SI: variants seen among roughly 807,000 people sequenced by gnomAD.
SI encodes sucrase-isomaltase.
In SI, 235 loss-of-function variants were observed where a neutral mutation model predicts 253.3. The ratio of observed to expected loss-of-function variants is 0.93; its 90% CI spans 0.83 to 1.03. SI has a LOEUF of 1.03. Ranked by LOEUF, SI falls within the 50% of genes least tolerant of loss-of-function variation. The probability of loss-of-function intolerance (pLI) is 0.00; values close to 1 mark genes in which losing one functional copy is unlikely to be tolerated. For synonymous variants in SI, 819 were observed against 712.0 expected (o/e 1.15, Z -2.39); for missense variants, 2,442 against 2,211.1 (o/e 1.10, Z -2.09).
In SI at chr3:164,979,507, A is replaced by C. The variant is rs74774858; in HGVS notation, c.5416-77T>G. 1.6e-4 allele frequency: 131 copies of C among 829,416 alleles called. 2 individuals carry two copies. The African/African-American group carries it at 1.9e-3, about 12-fold the overall frequency. The allele number at this position is 829,416 out of a possible 1,614,324, so 51.4% of individuals were successfully genotyped here. On this transcript the variant is annotated intron_variant, in intron 47 of 47. Transcript: ENST00000264382. Reference sequence around the variant, plus strand: ...ATTTTCATGAATGCTATTTCAAAAAAGTTTTCTAATAAATAGTATATACCT... The same window carrying C: ...ATTTTCATGAATGCTATTTCAAAAACGTTTTCTAATAAATAGTATATACCT...
At chr3:165,007,761 A>G (rs569717955) in intron 36 of SI, 150 bp downstream of exon 36, 1 of 244,212 alleles carries the variant, frequency 4.1e-6, no homozygotes, top group East Asian at 9.3e-5. Flanking sequence ...CCTACCTTCT[A>G]TATATATCAA....
intron 14 of SI, 75 bp from the exon 15 acceptor site, chr3:165,049,319 C>A: frequency 2.4e-6 from 2 of 847,864 alleles, no homozygotes; most frequent in South Asian, 2.9e-5. Context: ...TCATAAATGT[C>A]ATATTCCTTT....
chr3:165,006,648 TAGAA>T (rs1425856433), intron 37 of SI, among the ~76,000 whole-genome samples, 164 bp downstream of exon 37: 3 of 152,144 alleles, frequency 2.0e-5, no homozygotes, highest in African/African-American at 7.2e-5. Flanking sequence ...ATAAATTAGA[TAGAA>T]AGAAACACAT....
intron 33 of SI, among the ~76,000 whole-genome samples, chr3:165,013,245 A>G (rs1411908937): frequency 6.6e-6 from 1 of 152,182 alleles, no homozygotes; most frequent in Non-Finnish European, 1.5e-5. Flanking sequence ...CCTCTTTAAT[A>G]TGGCAAATAC....
intron 19 of SI, 83 bp from the exon 20 acceptor site, chr3:165,039,217 T>C: frequency 1.1e-6 from 1 of 940,200 alleles, no homozygotes; most frequent in Non-Finnish European, 1.7e-6. Context: ...GTTTTCATAG[T>C]CAAGGGAAAA....
At chr3:164,994,026 A>G (rs2108130414) in intron 41 of SI, among the ~76,000 whole-genome samples, 1 of 151,928 alleles carries the variant, frequency 6.6e-6, no homozygotes, top group South Asian at 2.1e-4. Flanking sequence ...CTGAAATAGA[A>G]TCATTACTTT....
intron 8 of SI, among the ~76,000 whole-genome samples, chr3:165,063,099 A>T (rs887811083): frequency 2.0e-5 from 3 of 152,028 alleles, no homozygotes; most frequent in African/African-American, 7.2e-5. Context: ...TTCCATAGAC[A>T]TCTTTTTTGT....
Position 165,015,959 on chromosome 3 carries a change from A to G in SI, c.3881T>C (p.Ile1294Thr), listed in dbSNP as rs752481222. 1.2e-5 allele frequency: 19 copies of G among 1,610,306 alleles called. No individual in the cohort carries two copies. Among genetic ancestry groups the G allele is most frequent in the Non-Finnish European group, 8.5e-7 (1 of 1,176,806 alleles). The change falls in exon 32 of 48, where the codon ATT (isoleucine) becomes ACT (threonine). Residue 1294 changes from isoleucine to threonine, a missense_variant. By Grantham distance (89) the Ile-to-Thr change is moderately conservative (BLOSUM62 -1). Transcript: ENST00000264382. ...TAAACTCCAAGTACTGACCAGGATA[A>G]TAATGTATCTCATTCCTTCTCCTCT... Reference protein sequence around the residue: ...KIRGEGMRYIIILDPAISGNE... With the variant: ...KIRGEGMRYITILDPAISGNE...
In SI at chr3:165,062,482, C is replaced by T. The variant is rs766842476; in HGVS notation, c.909G>A (p.Glu303=). ...CTATTGGAGTAGGCTGGATAAAAATCTCTGCAAAATAAAATTGGTAAACTT... is the reference window on the plus strand; with the variant it reads ...CTATTGGAGTAGGCTGGATAAAAATTTCTGCAAAATAAAATTGGTAAACTT... The part of the protein sequence containing the change: ...GVFLMNSNAM[E]IFIQPTPIVT... The change falls in exon 9 of 48, where the codon GAG becomes GAA. Residue 303 remains glutamate, a splice_region_variant and synonymous_variant. Coordinates refer to ENST00000264382, the MANE Select transcript of SI (RefSeq NM_001041.4). 6.6e-7 allele frequency: 1 copy of T among 1,523,418 alleles called. No individual in the cohort carries two copies. The highest frequency in any genetic ancestry group is 1.7e-5 in the Admixed American group (1 of 59,628). 94.4% of individuals were successfully genotyped at this position (1,523,418 alleles called of 1,614,324 possible).
chr3:165,074,684 C>A lies in SI; in HGVS notation c.119-17G>T. 6.3e-7 allele frequency: 1 copy of A among 1,597,618 alleles called. No individual in the cohort carries two copies. The highest frequency in any genetic ancestry group is 1.3e-5 in the African/African-American group (1 of 74,426). Reference sequence around the variant, plus strand: ...CACTAATTTCTGGGGGAGGAAAAAACTCAATAAAATAAAACATGACATTAA... The same window carrying A: ...CACTAATTTCTGGGGGAGGAAAAAAATCAATAAAATAAAACATGACATTAA... On this transcript the variant is annotated splice_polypyrimidine_tract_variant and intron_variant, in intron 2 of 47. Transcript: ENST00000264382.
intron 24 of SI, 81 bp from the exon 25 acceptor site, chr3:165,030,948 T>C (rs1712204777): frequency 6.9e-6 from 10 of 1,454,800 alleles, no homozygotes; most frequent in Admixed American, 2.9e-5. Flanking sequence ...TATCTGATCA[T>C]TGGATGATTT....
At chr3:165,053,120 T>C (rs1366105721) in intron 13 of SI, among the ~76,000 whole-genome samples, 1 of 151,804 alleles carries the variant, frequency 6.6e-6, no homozygotes, top group Non-Finnish European at 1.5e-5. Context: ...TGGTCTTAAT[T>C]ACATTAAGTA....
At chr3:165,089,849 A>C in the SI span, among the ~76,000 whole-genome samples, 1 of 151,964 alleles carries the variant, frequency 6.6e-6, no homozygotes, top group African/African-American at 2.4e-5. Flanking sequence ...TACACAGGGC[A>C]CCTTATAACA....
Position 165,040,957 on chromosome 3 carries a change from TG to T in SI, c.2141del (p.Ala714GlufsTer33). On this transcript the variant is annotated frameshift_variant, in exon 18 of 48. Coordinates refer to ENST00000264382, the MANE Select transcript of SI (RefSeq NM_001041.4). LOFTEE classifies it high-confidence loss of function. ...YKAHVFGETV[A>X]RPVLHEFYED... The stretch of plus-strand genomic sequence containing the variant: ...GTACTCACTCATGAAGAACTGGTCT[TG>T]CTACTGTTTCTCCAAACACATGGGC... 1 of 1,611,274 alleles carries T rather than the reference TG, an allele frequency of 6.2e-7. No individual in the cohort carries two copies. Among genetic ancestry groups the T allele is most frequent in the Non-Finnish European group, 8.5e-7 (1 of 1,177,794 alleles).
At position 165,059,892 on chromosome 3, in the gene SI, T is replaced by G. The variant is rs774639786; in HGVS notation, c.1146+10A>C. ...GATATATATTCCCACGGACCCTTTA[T>G]TCTACTTACAAATGGTATGCCAGCT... On this transcript the variant is annotated intron_variant, in intron 10 of 47. Transcript: ENST00000264382. 1 of 1,610,308 alleles carries G rather than the reference T, an allele frequency of 6.2e-7. No individual in the cohort carries two copies. The highest frequency in any genetic ancestry group is 8.5e-7 in the Non-Finnish European group (1 of 1,177,164).
At chr3:164,995,983 C>T (rs62280924) in intron 40 of SI, among the ~76,000 whole-genome samples, 1 of 151,782 alleles carries the variant, frequency 6.6e-6, no homozygotes, top group Non-Finnish European at 1.5e-5. Context: ...GCATTATTGA[C>T]AGCAAATTTT....
chr3:164,995,858 A>C (rs1170971770), intron 40 of SI, among the ~76,000 whole-genome samples: 2 of 151,788 alleles, frequency 1.3e-5, no homozygotes, highest in Non-Finnish European at 2.9e-5. Context: ...AGAATATATA[A>C]ATCATTTGAG....
chr3:165,062,172 T>C (rs984381917), intron 9 of SI, among the ~76,000 whole-genome samples, 199 bp downstream of exon 9: 7 of 151,476 alleles, frequency 4.6e-5, no homozygotes, highest in South Asian at 2.1e-4. Context: ...TTCAGAAACA[T>C]AGATACTTGA....
At chr3:164,986,349 C>G (rs61110204) in intron 45 of SI, among the ~76,000 whole-genome samples, 8,425 of 152,222 alleles carry the variant, frequency 0.055, 769 homozygotes, top group African/African-American at 0.19. Context: ...AAATGTTACT[C>G]TCTTTTCCTG....
Sources: allele counts gnomAD v4.1 joint callset (sites outside exome capture counted in the v4.1 genomes callset), GRCh38; gene constraint gnomAD v4.1.1; transcripts MANE v1.5; gene names NCBI Gene and HGNC (gene_info 2026-07-23, HGNC 2026-07-21).